The following TMEM132C variants were observed in gnomAD, a reference collection of about 807,000 sequenced individuals.
TMEM132C encodes protein phosphatase 1, regulatory subunit 152.
TMEM132C carries 29 observed loss-of-function variants against 61.4 expected under a neutral mutation model. That is an observed-to-expected ratio of 0.47 (90% CI 0.35 to 0.64). TMEM132C has a LOEUF of 0.64. Among genes scored for constraint, TMEM132C ranks in the 30% least tolerant of loss-of-function variants. The probability of loss-of-function intolerance (pLI) is 0.00; values close to 1 mark genes in which losing one functional copy is unlikely to be tolerated. For synonymous variants in TMEM132C, 656 were observed against 633.1 expected (o/e 1.04, Z -0.54); for missense variants, 1,408 against 1,476.9 (o/e 0.95, Z 0.76).
At chr12:128,533,992 C>G (rs1170455634) in intron 2 of TMEM132C, among the ~76,000 whole-genome samples, 5 of 151,272 alleles carry the variant, frequency 3.3e-5, no homozygotes, top group African/African-American at 1.2e-4. Context: ...CCTCATCATA[C>G]CCAGGCACTC....
At chr12:128,476,807 A>C (rs183551797) in intron 2 of TMEM132C, among the ~76,000 whole-genome samples, 13 of 150,606 alleles carry the variant, frequency 8.6e-5, no homozygotes, top group Admixed American at 8.6e-4. Context: ...AATGTATTGC[A>C]CAGCTAGATT....
At chr12:128,275,018 G>A (rs1305491919) in intron 1 of TMEM132C, among the ~76,000 whole-genome samples, 2 of 152,218 alleles carry the variant, frequency 1.3e-5, no homozygotes, top group South Asian at 2.1e-4. Flanking sequence ...AAAAACTGAA[G>A]AGCTGTTACT....
In TMEM132C at chr12:128,565,513, T is replaced by C. The variant is rs144580403; in HGVS notation, c.1121+21410T>C. ...ACTCTTGGTATTAAAAAATAGTCAA[T>C]AGGAAAATGTAAATATAAGAAGTTC... On this transcript the variant is annotated intron_variant, in intron 3 of 8. Coordinates refer to ENST00000435159, the MANE Select transcript of TMEM132C (RefSeq NM_001136103.3). 1.8e-3 allele frequency among the ~76,000 whole-genome samples: 267 copies of C among 152,322 alleles called. 5 individuals carry two copies. The East Asian group carries it at 0.018, about 10-fold the overall frequency.
intron 3 of TMEM132C, among the ~76,000 whole-genome samples, chr12:128,601,394 T>C (rs1288780315): frequency 1.3e-5 from 2 of 152,216 alleles, no homozygotes. Context: ...TACGAGTCAG[T>C]GCTGTGATGT....
chr12:128,588,843 A>G (rs989483552), intron 3 of TMEM132C, among the ~76,000 whole-genome samples: 1 of 152,200 alleles, frequency 6.6e-6, no homozygotes, highest in African/African-American at 2.4e-5. Flanking sequence ...TCTGTGGTTG[A>G]TAAGTCACCC....
intron 1 of TMEM132C, among the ~76,000 whole-genome samples, chr12:128,311,410 T>C (rs1253455447): frequency 6.6e-6 from 1 of 152,226 alleles, no homozygotes; most frequent in Non-Finnish European, 1.5e-5. Flanking sequence ...TCGTTGAGTG[T>C]ACGCCACAGG....
intron 2 of TMEM132C, among the ~76,000 whole-genome samples, chr12:128,510,431 AAAC>A (rs1335921447): frequency 1.3e-5 from 2 of 152,210 alleles, no homozygotes; most frequent in African/African-American, 4.8e-5. Flanking sequence ...TTAAAAAAAT[AAAC>A]AACAAGGTTT....
At chr12:128,273,924 G>T (rs1031856467) in intron 1 of TMEM132C, among the ~76,000 whole-genome samples, 3 of 152,132 alleles carry the variant, frequency 2.0e-5, no homozygotes, top group Non-Finnish European at 4.4e-5. Context: ...TATTAAAGAA[G>T]AATAAAAATT....
chr12:128,379,267 T>C (rs183072957), intron 1 of TMEM132C, among the ~76,000 whole-genome samples: 121 of 152,302 alleles, frequency 7.9e-4, no homozygotes, highest in African/African-American at 2.6e-3. Flanking sequence ...GAAAAAGATA[T>C]TGATTTCCTG....
At chr12:128,704,075 G>A (rs778730626) in intron 8 of TMEM132C, among the ~76,000 whole-genome samples, 10 of 152,234 alleles carry the variant, frequency 6.6e-5, no homozygotes, top group Non-Finnish European at 1.2e-4. Context: ...TTGTGCTCAT[G>A]AGAATCTGCC....
intron 1 of TMEM132C, among the ~76,000 whole-genome samples, chr12:128,327,795 A>G (rs1872571767): frequency 2.6e-5 from 4 of 152,150 alleles, no homozygotes; most frequent in Admixed American, 2.6e-4. Context: ...GGGGGCTTCC[A>G]GGTTATAGGT....
At chr12:128,528,057 G>C (rs113415663) in intron 2 of TMEM132C, among the ~76,000 whole-genome samples, 1 of 152,176 alleles carries the variant, frequency 6.6e-6, no homozygotes, top group African/African-American at 2.4e-5. Flanking sequence ...CAATATTAAT[G>C]AGAAATGTCA....
chr12:128,678,025 G>A (rs772450814), intron 5 of TMEM132C, among the ~76,000 whole-genome samples: 1 of 152,206 alleles, frequency 6.6e-6, no homozygotes, highest in Non-Finnish European at 1.5e-5. Context: ...TATTGATTTT[G>A]CAGGCTCCAA....
chr12:128,471,080 T>C (rs1325653547), intron 2 of TMEM132C, among the ~76,000 whole-genome samples: 1 of 152,216 alleles, frequency 6.6e-6, no homozygotes, highest in East Asian at 1.9e-4. Context: ...CTGTGTATTG[T>C]AGGATGTTTA....
chr12:128,488,157 G>A (rs1323569257), intron 2 of TMEM132C, among the ~76,000 whole-genome samples: 1 of 152,164 alleles, frequency 6.6e-6, no homozygotes, highest in African/African-American at 2.4e-5. Flanking sequence ...AAATTTATCA[G>A]ATTTAAACTA....
chr12:128,471,189 C>T (rs190863684), intron 2 of TMEM132C, among the ~76,000 whole-genome samples: 2 of 152,290 alleles, frequency 1.3e-5, no homozygotes, highest in East Asian at 3.9e-4. Flanking sequence ...ATCCCTGCTT[C>T]GATCTGTGAC....
At chr12:128,522,139 A>C (rs1872925847) in intron 2 of TMEM132C, among the ~76,000 whole-genome samples, 1 of 152,264 alleles carries the variant, frequency 6.6e-6, no homozygotes, top group South Asian at 2.1e-4. Flanking sequence ...ACCCCATGCT[A>C]TCTCAAGAAC....
chr12:128,505,574 G>T (rs1872328160), intron 2 of TMEM132C, among the ~76,000 whole-genome samples: 1 of 152,126 alleles, frequency 6.6e-6, no homozygotes, highest in Non-Finnish European at 1.5e-5. Flanking sequence ...CATATTATAG[G>T]GCTGTTGTAA....
At chr12:128,421,838 A>G (rs1868997851) in intron 2 of TMEM132C, among the ~76,000 whole-genome samples, 1 of 152,242 alleles carries the variant, frequency 6.6e-6, no homozygotes, top group Non-Finnish European at 1.5e-5. Context: ...TAGGTTTTAC[A>G]AATATAAGTG....
Sources: allele counts gnomAD v4.1 joint callset (sites outside exome capture counted in the v4.1 genomes callset), GRCh38; gene constraint gnomAD v4.1.1; transcripts MANE v1.5; gene names NCBI Gene and HGNC (gene_info 2026-07-23, HGNC 2026-07-21).